The following IL2RB variants were observed in gnomAD, a reference collection of about 807,000 sequenced individuals.
IL2RB encodes interleukin-2 receptor subunit beta.
In IL2RB, 17 loss-of-function variants were observed where a neutral mutation model predicts 44.2. The observed-to-expected ratio is 0.38, with a 90% CI of 0.26 to 0.58. IL2RB has a LOEUF of 0.58. Ranked by LOEUF, IL2RB falls within the 20% of genes least tolerant of loss-of-function variation. The probability of loss-of-function intolerance (pLI) is 0.63; values close to 1 mark genes in which losing one functional copy is unlikely to be tolerated. For synonymous variants in IL2RB, 286 were observed against 297.9 expected (o/e 0.96, Z 0.41); for missense variants, 624 against 685.5 (o/e 0.91, Z 1.00).
In IL2RB at chr22:37,127,864, C is replaced by G. The variant is rs549281127; in HGVS notation, c.*232G>C. ...CGAGGGAGTTGGGGAGTTACTGCCC[C>G]CCTGCAACACACACAGTTCCTGGCT... On this transcript the variant is annotated 3_prime_UTR_variant, in exon 10 of 10. Coordinates refer to ENST00000216223, the MANE Select transcript of IL2RB (RefSeq NM_000878.5). The G allele has an allele frequency of 2.5e-6, 1 of 394,154 alleles. No homozygotes were observed. Among genetic ancestry groups the G allele is most frequent in the East Asian group, 3.7e-5 (1 of 26,788 alleles). 24.4% of individuals were successfully genotyped at this position (394,154 alleles called of 1,614,324 possible). A position where few individuals can be genotyped will look rare whatever the true frequency, so the allele number is the denominator to read the frequency against.
chr22:37,131,145 C>A lies in IL2RB; in HGVS notation c.903+1239G>T, dbSNP rs967524068. Among the ~76,000 whole-genome samples, 5 of 151,210 alleles carry A rather than the reference C, an allele frequency of 3.3e-5. No individual in the cohort carries two copies. In the South Asian group the frequency reaches 1.0e-3, roughly 32 times the overall value. Reference sequence around the variant, plus strand: ...TCGTGCCATTGCACTCTAGCCTGGACGACAGAGCAAGACTCCATCTCAAAA... The same window carrying A: ...TCGTGCCATTGCACTCTAGCCTGGAAGACAGAGCAAGACTCCATCTCAAAA... On this transcript the variant is annotated intron_variant, in intron 9 of 9. Coordinates refer to ENST00000216223, the MANE Select transcript of IL2RB (RefSeq NM_000878.5).
intron 1 of IL2RB, among the ~76,000 whole-genome samples, chr22:37,147,331 G>A (rs1458859591): frequency 6.6e-6 from 1 of 152,184 alleles, no homozygotes; most frequent in Non-Finnish European, 1.5e-5. Flanking sequence ...TCTGAGTCAG[G>A]GCAGACTGCC....
At chr22:37,151,591 T>C (rs747320362), upstream of IL2RB, among the ~76,000 whole-genome samples, 3 of 152,222 alleles carry the variant, frequency 2.0e-5, no homozygotes, top group Non-Finnish European at 2.9e-5. Flanking sequence ...TCATTTCTGC[T>C]TTGGTTGCAT....
chr22:37,128,503 C>T lies in IL2RB; in HGVS notation c.1249G>A (p.Ala417Thr), dbSNP rs768345015. ...TCCCTGGAGGGGAAGGTGCAGTAGG[C>T]GTCGTCCTCCCCTGACAGAGGCTGC... ...PLQPLSGEDD[A>T]YCTFPSRDDL... The change falls in exon 10 of 10, where the codon GCC becomes ACC. Residue 417 changes from alanine (A) to threonine (T), a missense_variant. Coordinates refer to ENST00000216223, the MANE Select transcript of IL2RB (RefSeq NM_000878.5). This position sits in a 1 kb window ranked among gnomAD's most constrained non-coding sequence, Gnocchi z 4.5. 44 of 1,609,024 alleles carry T rather than the reference C, an allele frequency of 2.7e-5. No individual in the cohort carries two copies. Among genetic ancestry groups the T allele is most frequent in the Non-Finnish European group, 3.5e-5 (41 of 1,176,600 alleles).
chr22:37,142,307 C>G, intron 4 of IL2RB, 127 bp downstream of exon 4: 1 of 856,822 alleles, frequency 1.2e-6, no homozygotes. Flanking sequence ...GCTGGGCATC[C>G]TGCTTAGCCA....
At chr22:37,144,686 G>T (rs553069002) in intron 1 of IL2RB, among the ~76,000 whole-genome samples, 1 of 152,270 alleles carries the variant, frequency 6.6e-6, no homozygotes, top group South Asian at 2.1e-4. Context: ...GGAGTTTGCA[G>T]TGAACCGAGA....
At chr22:37,148,490 G>A (rs935650564) in intron 1 of IL2RB, among the ~76,000 whole-genome samples, 1 of 152,172 alleles carries the variant, frequency 6.6e-6, no homozygotes, top group African/African-American at 2.4e-5. Context: ...ACCCACGGAT[G>A]CCTACGTCCC....
At chr22:37,143,437 T>C (rs1367508889) in intron 3 of IL2RB, 84 bp downstream of exon 3, 17 of 893,486 alleles carry the variant, frequency 1.9e-5, no homozygotes, top group Non-Finnish European at 2.9e-5. Context: ...TCTGTAAACG[T>C]TGACTCCTTG....
At chr22:37,153,484 GGT>G (rs1201475047), upstream of IL2RB, among the ~76,000 whole-genome samples, 1 of 152,178 alleles carries the variant, frequency 6.6e-6, no homozygotes, top group African/African-American at 2.4e-5. Flanking sequence ...TGGACAAGAA[GGT>G]GTGTATAAAG....
intron 5 of IL2RB, 123 bp from the exon 6 acceptor site, chr22:37,137,858 G>T (rs1212622339): frequency 2.5e-6 from 2 of 814,606 alleles, no homozygotes; most frequent in African/African-American, 1.7e-5. Context: ...CAAAGCCCCA[G>T]GACCCGCTCC....
At chr22:37,167,933 G>C (rs1227079563) in intron 1 of IL2RB, among the ~76,000 whole-genome samples, 1 of 152,248 alleles carries the variant, frequency 6.6e-6, no homozygotes, top group Non-Finnish European at 1.5e-5. Flanking sequence ...GTGTTGGGCT[G>C]AGGTGGCGTC....
At chr22:37,135,132 T>G (rs1301834858) in intron 8 of IL2RB, among the ~76,000 whole-genome samples, 196 bp downstream of exon 8, 1 of 152,086 alleles carries the variant, frequency 6.6e-6, no homozygotes, top group East Asian at 1.9e-4. Context: ...GGGAGGACTC[T>G]TTGGAGGGTA....
At chr22:37,143,457 G>A in intron 3 of IL2RB, 64 bp downstream of exon 3, 1 of 1,099,540 alleles carries the variant, frequency 9.1e-7, no homozygotes, top group Non-Finnish European at 1.4e-6. Flanking sequence ...GGAGTCCAGT[G>A]CATAGGATCC....
chr22:37,163,058 A>G (rs1346837284), intron 1 of IL2RB, among the ~76,000 whole-genome samples: 1 of 152,068 alleles, frequency 6.6e-6, no homozygotes, highest in Non-Finnish European at 1.5e-5. Flanking sequence ...AGTGCCTCCA[A>G]CTCACTAGGG....
chr22:37,144,334 C>T, intron 1 of IL2RB, 129 bp from the exon 2 acceptor site: 1 of 1,210,324 alleles, frequency 8.3e-7, no homozygotes, highest in South Asian at 1.6e-5. Context: ...TCAGTCCAGC[C>T]CCAGGGCCTT....
chr22:37,128,303 C>T lies in IL2RB; in HGVS notation c.1449G>A (p.Val483=), dbSNP rs2146223322. 6.7e-7 allele frequency: 1 copy of T among 1,499,012 alleles called. No individual in the cohort carries two copies. The highest frequency in any genetic ancestry group is 8.9e-7 in the Non-Finnish European group (1 of 1,124,656). The allele number at this position is 1,499,012 out of a possible 1,614,324, so 92.9% of individuals were successfully genotyped here. ...CCAGCTCAGGGGGTGGCTGAAAATC[C>T]ACCAGGTCTGGGACTCCTGGGGTGG... ...GPPTPGVPDL[V]DFQPPPELVL... is the part of the protein sequence containing the mutation. Residue 483 remains valine (V), a synonymous_variant, in exon 10 of 10, where the codon GTG becomes GTA. Coordinates refer to ENST00000216223, the MANE Select transcript of IL2RB (RefSeq NM_000878.5). The surrounding 1 kb of genome is among the most constrained non-coding windows in gnomAD (Gnocchi z 4.5).
At chr22:37,148,969 G>C (rs964066685) in intron 1 of IL2RB, among the ~76,000 whole-genome samples, 1 of 152,096 alleles carries the variant, frequency 6.6e-6, no homozygotes, top group Non-Finnish European at 1.5e-5. Context: ...CCACCCCCCT[G>C]CTCCCATACA....
chr22:37,143,884 C>CCTGTGTGTGTGTGTGTGT (rs1236054029), intron 2 of IL2RB, among the ~76,000 whole-genome samples: 1 of 139,818 alleles, frequency 7.2e-6, no homozygotes, highest in African/African-American at 2.9e-5. Context: ...CTTGGAGAGG[C>CCTGTGTGTGTGTGTGTGT]GTGTGTGTGT....
Position 37,136,181 on chromosome 22 carries a change from G to A in IL2RB, c.703+47C>T, listed in dbSNP as rs77990596. On this transcript the variant is annotated intron_variant, in intron 7 of 9. Transcript: ENST00000216223. The stretch of plus-strand genomic sequence containing the variant: ...GAATGGAGCAGCTCCTCCTCCAGCC[G>A]CCCCCTCCTGCCTGAGCCCCCTCTC... The A allele has an allele frequency of 9.4e-4, 1,472 of 1,563,518 alleles. 10 individuals are homozygous for A. The African/African-American group carries it at 0.016, about 17-fold the overall frequency.
Sources: gnomAD v4.1 joint callset for allele counts (sites outside exome capture counted in the v4.1 genomes callset) on GRCh38, gnomAD v4.1.1 for gene constraint, Gnocchi (gnomAD v3.1) non-coding constraint, MANE v1.5 for transcripts, NCBI Gene and HGNC (gene_info 2026-07-23, HGNC 2026-07-21) for gene names.